The following CCP110 variants were observed in gnomAD, a reference collection of about 807,000 sequenced individuals.
CCP110 encodes the protein centriolar coiled-coil protein 110, also known as centriolar coiled-coil protein of 110 kDa.
CCP110 carries 43 observed loss-of-function variants against 105.5 expected under a neutral mutation model. The observed-to-expected ratio is 0.41, with a 90% CI of 0.32 to 0.53. The LOEUF is 0.53. Ranked by LOEUF, CCP110 falls within the 20% of genes least tolerant of loss-of-function variation. The pLI, the probability that CCP110 is intolerant of heterozygous loss-of-function variation, is 0.32. For missense variants in CCP110, 1,016 were observed against 1,189.1 expected (o/e 0.85, Z 2.14); for synonymous variants, 353 against 392.1 (o/e 0.90, Z 1.18).
At chr16:19,524,208 G>C (rs1969586655) in intron 1 of CCP110, 120 bp downstream of exon 1, 1 of 152,374 alleles carries the variant, frequency 6.6e-6, no homozygotes, top group Non-Finnish European at 1.5e-5. Flanking sequence ...CCCGGGCCTC[G>C]AGCCCCCTGG....
rs1970452898 is a variant in CCP110, at chr16:19,546,204, A to C, written c.2778-208A>C. On this transcript the variant is annotated intron_variant, in intron 11 of 14. Transcript: ENST00000381396. ...CTGATGTCCTAAAGGTTTCTTGGGA[A>C]TAAAGACTTAATGGGAAAAATATCT... The C allele has an allele frequency of 1.4e-5, 7 of 518,388 alleles. No homozygotes were observed. The South Asian group carries it at 2.2e-4, about 16-fold the overall frequency. The allele number at this position is 518,388 out of a possible 1,614,324, so 32.1% of individuals were successfully genotyped here.
chr16:19,543,471 T>C (rs1970357690), intron 8 of CCP110, among the ~76,000 whole-genome samples: 1 of 152,176 alleles, frequency 6.6e-6, no homozygotes, highest in African/African-American at 2.4e-5. Context: ...ACATGTGTGT[T>C]TGAACAATAG....
At chr16:19,536,019 T>C in exon 4 of CCP110, 1 of 1,613,946 alleles carries the variant, frequency 6.2e-7, no homozygotes, top group Non-Finnish European at 8.5e-7. Flanking sequence ...GTCAGAAACT[T>C]GAATGTTCCT....
chr16:19,532,596 T>A (rs1567350883), intron 3 of CCP110, 52 bp downstream of exon 3: 13 of 1,437,368 alleles, frequency 9.0e-6, no homozygotes, highest in Non-Finnish European at 1.2e-5. Context: ...AAGATAAGCG[T>A]TGATGATAAT....
chr16:19,546,017 C>T, intron 11 of CCP110, 127 bp downstream of exon 11: 8 of 582,660 alleles, frequency 1.4e-5, no homozygotes, highest in Non-Finnish European at 2.4e-5. Context: ...GATAGAAATC[C>T]CCTTTATATA....
rs372338127 is a variant in CCP110 at position 19,544,916 on chromosome 16, G to A, written c.2586+18G>A. The A allele has an allele frequency of 6.7e-6, 9 of 1,345,082 alleles. No homozygotes were observed. The African/African-American group carries it at 1.0e-4, about 15-fold the overall frequency. The allele number at this position is 1,345,082 out of a possible 1,614,324, so 83.3% of individuals were successfully genotyped here. On this transcript the variant is annotated intron_variant, in intron 9 of 14. Coordinates refer to ENST00000381396, the Ensembl canonical transcript of CCP110. ...TAGCTCAGGTAAATACATGGATCCTGAAGGCTTTTAAGACATGGACATATT... is the reference window on the plus strand; with the variant it reads ...TAGCTCAGGTAAATACATGGATCCTAAAGGCTTTTAAGACATGGACATATT...
At chr16:19,535,394 A>C (rs560715313) in intron 3 of CCP110, among the ~76,000 whole-genome samples, 1 of 152,258 alleles carries the variant, frequency 6.6e-6, no homozygotes, top group South Asian at 2.1e-4. Context: ...CTTTGGAGTA[A>C]GCATGTAGGT....
rs7205256 is a variant in CCP110, at chr16:19,548,067, G to C, written c.2900+53G>C. 46,566 of 1,231,036 alleles carry C rather than the reference G, an allele frequency of 0.038. 1,074 individuals are homozygous for C. The highest frequency in any genetic ancestry group is 0.072 in the African/African-American group (4,817 of 67,182). The allele number at this position is 1,231,036 out of a possible 1,614,324, so 76.3% of individuals were successfully genotyped here. A position where few individuals can be genotyped will look rare whatever the true frequency, so the allele number is the denominator to read the frequency against. On this transcript the variant is annotated intron_variant, in intron 13 of 14. Transcript: ENST00000381396. This position sits in a 1 kb window ranked among gnomAD's most constrained non-coding sequence, Gnocchi z 4.1. ...AACTACGGAAACCAAGATTAGATTT[G>C]AGAGGGAAAAATAAATCTAGTGTTC... is the stretch of plus-strand genomic sequence containing the variant.
Position 19,537,082 on chromosome 16 carries a change from TAA to T in CCP110, c.1415_1416del (p.Lys472SerfsTer16). ...AATCTTCAGGAAATCATTTAGAAAATAAAGTTACTCATGGACTTGTTACTGTG... is the reference window on the plus strand; with the variant it reads ...AATCTTCAGGAAATCATTTAGAAAATAGTTACTCATGGACTTGTTACTGTG... On this transcript the variant is annotated frameshift_variant, in exon 4 of 15. Coordinates refer to ENST00000381396, the Ensembl canonical transcript of CCP110. LOFTEE classifies it high-confidence loss of function. 6.2e-7 allele frequency: 1 copy of T among 1,614,158 alleles called. No homozygotes were observed. Among genetic ancestry groups the T allele is most frequent in the Non-Finnish European group, 8.5e-7 (1 of 1,180,038 alleles).
chr16:19,550,884 A>C (rs1239205347), intron 14 of CCP110, among the ~76,000 whole-genome samples: 1 of 152,216 alleles, frequency 6.6e-6, no homozygotes, highest in Non-Finnish European at 1.5e-5. Flanking sequence ...TGAAATTCAG[A>C]AACCACTAAT....
intron 2 of CCP110, among the ~76,000 whole-genome samples, chr16:19,532,058 C>A (rs773727673): frequency 1.3e-5 from 2 of 151,952 alleles, no homozygotes; most frequent in Non-Finnish European, 2.9e-5. Context: ...CCAAAAGGGC[C>A]TTAATTTTAT....
At chr16:19,545,232 G>T in intron 10 of CCP110, 22 bp downstream of exon 10, 1 of 1,373,010 alleles carries the variant, frequency 7.3e-7, no homozygotes, top group Non-Finnish European at 1.0e-6. Flanking sequence ...GATTTCTAAT[G>T]AATAGAGTTC....
intron 1 of CCP110, chr16:19,524,794 T>A (rs887575505): frequency 3.3e-4 from 51 of 152,318 alleles, no homozygotes; most frequent in African/African-American, 1.2e-3. Flanking sequence ...ATTTGAAACC[T>A]ACGGGGAACC....
intron 8 of CCP110, 132 bp from the exon 9 acceptor site, chr16:19,544,665 A>G (rs1417675039): frequency 1.7e-6 from 1 of 604,046 alleles, no homozygotes; most frequent in African/African-American, 1.9e-5. Context: ...TGAGGGATTC[A>G]TGGAACCAGT....
chr16:19,536,827 T>C, exon 4 of CCP110: 2 of 1,614,116 alleles, frequency 1.2e-6, no homozygotes, highest in Non-Finnish European at 1.7e-6. Context: ...CATCAGCGTG[T>C]CATATACTTA....
In CCP110 at chr16:19,548,472, A is replaced by G; in HGVS notation, c.2901-43A>G. On this transcript the variant is annotated intron_variant, in intron 13 of 14. Transcript: ENST00000381396. This position sits in a 1 kb window ranked among gnomAD's most constrained non-coding sequence, Gnocchi z 4.1. ...CTTTCTTTGAATTTTGAACATTTAGACCTTAATGCCAGTGACTTATTAATT... is the reference window on the plus strand; with the variant it reads ...CTTTCTTTGAATTTTGAACATTTAGGCCTTAATGCCAGTGACTTATTAATT... The G allele has an allele frequency of 8.2e-7, 1 of 1,220,036 alleles. No individual in the cohort carries two copies. The highest frequency in any genetic ancestry group is 2.5e-5 in the East Asian group (1 of 39,396). 75.6% of individuals were successfully genotyped at this position (1,220,036 alleles called of 1,614,324 possible). A position where few individuals can be genotyped will look rare whatever the true frequency, so the allele number is the denominator to read the frequency against.
chr16:19,540,756 A>C, exon 5 of CCP110: 1 of 1,613,802 alleles, frequency 6.2e-7, no homozygotes, highest in African/African-American at 1.3e-5. Flanking sequence ...CTCATAGCTG[A>C]GCAGGAAAGG....
intron 9 of CCP110, 51 bp downstream of exon 9, chr16:19,544,949 T>C: frequency 9.3e-7 from 1 of 1,073,290 alleles, no homozygotes; most frequent in Non-Finnish European, 1.4e-6. Flanking sequence ...ATTATATTTC[T>C]CCTTTTTTAT....
chr16:19,524,686 G>A (rs1424741002), intron 1 of CCP110: 4 of 152,188 alleles, frequency 2.6e-5, no homozygotes, highest in African/African-American at 9.7e-5. Context: ...CCCCAGTTTA[G>A]GCAAATGGCA....
Sources: gnomAD v4.1 joint callset for allele counts (sites outside exome capture counted in the v4.1 genomes callset) on GRCh38, gnomAD v4.1.1 for gene constraint, Gnocchi (gnomAD v3.1) non-coding constraint, MANE v1.5 for transcripts, NCBI Gene and HGNC (gene_info 2026-07-23, HGNC 2026-07-21) for gene names.